CRYBG1: variants seen among roughly 807,000 people sequenced by gnomAD.
CRYBG1 encodes crystallin beta-gamma domain containing 1.
A neutral mutation model predicts 189.2 loss-of-function variants in CRYBG1; 139 were observed. The observed-to-expected ratio is 0.73, with a 90% CI of 0.64 to 0.85. The LOEUF (loss-of-function observed/expected upper bound fraction) is 0.85, where lower values mean the gene tolerates loss of function less well. Ranked by LOEUF, CRYBG1 falls within the 40% of genes least tolerant of loss-of-function variation. CRYBG1 has a pLI of 0.00. For synonymous variants in CRYBG1, 1,023 were observed against 1,017.1 expected, an observed-to-expected ratio of 1.01 and a Z score of -0.11; for missense variants, 2,611 against 2,675.8, an observed-to-expected ratio of 0.98 and a Z score of 0.53.
At chr6:106,514,804 G>C (rs783418) in intron 3 of CRYBG1, among the ~76,000 whole-genome samples, 140,399 of 152,338 alleles carry the variant, frequency 0.92, 64,750 homozygotes, top group South Asian at 0.95. Context: ...AACCAAATAT[G>C]TCTTTCCCAG....
chr6:106,396,901 C>T (rs150107626), intron 1 of CRYBG1, among the ~76,000 whole-genome samples: 3,079 of 152,292 alleles, frequency 0.02, 110 homozygotes, highest in African/African-American at 0.069. Flanking sequence ...AAGCTGATCT[C>T]GAACTCCTGA....
intron 8 of CRYBG1, among the ~76,000 whole-genome samples, chr6:106,535,066 A>G (rs1773967967): frequency 6.6e-6 from 1 of 152,156 alleles, no homozygotes; most frequent in African/African-American, 2.4e-5. Flanking sequence ...GTACTGTGTA[A>G]TATTTGACAT....
In CRYBG1 at chr6:106,451,761, G is replaced by T; in HGVS notation, c.241G>T (p.Glu81Ter). 5 of 1,534,754 alleles carry T rather than the reference G, an allele frequency of 3.3e-6. No homozygotes were observed. Among genetic ancestry groups the T allele is most frequent in the Non-Finnish European group, 3.5e-6 (4 of 1,146,306 alleles). The change falls in exon 2 of 22, where the codon GAA (glutamate) becomes TAA (stop). Residue 81 changes from glutamate to a stop codon, truncating the protein, a stop_gained. Transcript: ENST00000633556. LOFTEE classifies it high-confidence loss of function. The part of the protein sequence containing the change: ...DSQEFPLHCG[E>*]SQFFHTTSEA... ...CCAGGAATTTCCACTGCACTGTGGG[G>T]AATCCCAGTTCTTCCACACCACCAG...
At chr6:106,470,222 G>A (rs566149303) in intron 2 of CRYBG1, among the ~76,000 whole-genome samples, 67 of 152,140 alleles carry the variant, frequency 4.4e-4, no homozygotes, top group Non-Finnish European at 8.4e-4. Flanking sequence ...ACTTTGGGAG[G>A]CTGAGGAGGG....
Position 106,492,616 on chromosome 6 carries a change from C to T in CRYBG1, c.313-18814C>T, listed in dbSNP as rs188115098. On this transcript the variant is annotated intron_variant, in intron 2 of 21. Coordinates refer to ENST00000633556, the MANE Select transcript of CRYBG1 (RefSeq NM_001371242.2). ...CTTGTATTTTAAGTATTTATTCAAA[C>T]GCCACCTTCTCAACAAAGCACTGCT... Among the ~76,000 whole-genome samples the T allele has an allele frequency of 4.5e-4, 68 of 152,260 alleles. No homozygotes were observed. The South Asian group carries it at 4.6e-3, about 10-fold the overall frequency.
At chr6:106,422,581 C>A (rs935454361) in intron 1 of CRYBG1, among the ~76,000 whole-genome samples, 3 of 69,998 alleles carry the variant, frequency 4.3e-5, no homozygotes, top group African/African-American at 3.7e-4. Flanking sequence ...AATCCACCCC[C>A]CTCCCAGCCT....
At chr6:106,509,613 T>A (rs1486259921) in intron 2 of CRYBG1, among the ~76,000 whole-genome samples, 1 of 151,988 alleles carries the variant, frequency 6.6e-6, no homozygotes, top group Non-Finnish European at 1.5e-5. Flanking sequence ...AGAGCAAATC[T>A]GATTCATGCG....
chr6:106,555,943 A>G (rs1774533911), intron 17 of CRYBG1, 46 bp downstream of exon 17: 2 of 1,609,372 alleles, frequency 1.2e-6, no homozygotes, highest in South Asian at 2.2e-5. Flanking sequence ...TATGCCTCAT[A>G]TAGCTGATGG....
At chr6:106,442,247 T>C (rs1192712067) in intron 1 of CRYBG1, among the ~76,000 whole-genome samples, 3 of 152,232 alleles carry the variant, frequency 2.0e-5, no homozygotes, top group African/African-American at 7.2e-5. Context: ...TAATGATGAT[T>C]GCGGCAGTGT....
intron 1 of CRYBG1, among the ~76,000 whole-genome samples, chr6:106,366,819 T>C (rs1582722904): frequency 6.6e-6 from 1 of 152,198 alleles, no homozygotes; most frequent in African/African-American, 2.4e-5. Context: ...ATACTGGCAG[T>C]GATAGTTGTA....
intron 8 of CRYBG1, among the ~76,000 whole-genome samples, chr6:106,536,869 C>G (rs1002854013): frequency 1.3e-5 from 2 of 152,222 alleles, no homozygotes; most frequent in African/African-American, 4.8e-5. Flanking sequence ...TAGTTTCCCC[C>G]TCTCCTGATG....
chr6:106,393,794 G>A (rs955150061), intron 1 of CRYBG1, among the ~76,000 whole-genome samples: 1 of 151,280 alleles, frequency 6.6e-6, no homozygotes, highest in Admixed American at 6.6e-5. Context: ...TCCTGCTTCA[G>A]CCTTCCAAGC....
rs1229504243 is a variant in CRYBG1 at position 106,361,953 on chromosome 6, T to TTTTCTTTC, written c.173+875_173+876insCTTTCTTT. Among the ~76,000 whole-genome samples, 5 of 89,138 alleles carry TTTTCTTTC rather than the reference T, an allele frequency of 5.6e-5. 1 individual carries two copies. The highest frequency in any genetic ancestry group is 6.8e-4 in the East Asian group (2 of 2,940). The allele number at this position is 89,138 out of a possible 152,430, so 58.5% of individuals were successfully genotyped here. A position where few individuals can be genotyped will look rare whatever the true frequency, so the allele number is the denominator to read the frequency against. ...ATTTGCATTTTAGACATGGTTTTCC[T>TTTTCTTTC]TTTATTTCTTTCTTTCTTTTTTTTT... On this transcript the variant is annotated intron_variant, in intron 1 of 21. Coordinates refer to ENST00000633556, the MANE Select transcript of CRYBG1 (RefSeq NM_001371242.2).
At chr6:106,494,050 G>T (rs998114208) in intron 2 of CRYBG1, among the ~76,000 whole-genome samples, 4 of 152,194 alleles carry the variant, frequency 2.6e-5, no homozygotes, top group Admixed American at 1.3e-4. Context: ...TGATAAATAT[G>T]CATGTGTCAG....
At chr6:106,488,500 G>A (rs1433332419) in intron 2 of CRYBG1, among the ~76,000 whole-genome samples, 1 of 152,178 alleles carries the variant, frequency 6.6e-6, no homozygotes, top group African/African-American at 2.4e-5. Flanking sequence ...AAGGCCAAGG[G>A]CAGGCACATG....
At chr6:106,432,066 T>G (rs538040502) in intron 1 of CRYBG1, among the ~76,000 whole-genome samples, 1 of 152,328 alleles carries the variant, frequency 6.6e-6, no homozygotes, top group Non-Finnish European at 1.5e-5. Context: ...GAATATTAAT[T>G]CTAGCGTGGC....
At chr6:106,497,276 G>T (rs562117216) in intron 2 of CRYBG1, among the ~76,000 whole-genome samples, 1 of 152,158 alleles carries the variant, frequency 6.6e-6, no homozygotes, top group Non-Finnish European at 1.5e-5. Context: ...AGTGGGAAAA[G>T]ACATTCGATG....
At chr6:106,525,003 T>G in intron 4 of CRYBG1, 130 bp from the exon 5 acceptor site, 1 of 864,722 alleles carries the variant, frequency 1.2e-6, no homozygotes, top group Non-Finnish European at 1.8e-6. Context: ...TTAGCATCCA[T>G]TAGAGTGGAG....
At chr6:106,432,075 G>A (rs1033690578) in intron 1 of CRYBG1, among the ~76,000 whole-genome samples, 5 of 152,140 alleles carry the variant, frequency 3.3e-5, no homozygotes, top group Non-Finnish European at 7.4e-5. Flanking sequence ...TTCTAGCGTG[G>A]CAAAAATCAT....
Sources: gnomAD v4.1 joint callset for allele counts (sites outside exome capture counted in the v4.1 genomes callset) on GRCh38, gnomAD v4.1.1 for gene constraint, MANE v1.5 for transcripts, NCBI Gene and HGNC (gene_info 2026-07-23, HGNC 2026-07-21) for gene names.